Variants in COX7B2 observed in about 807,000 individuals in gnomAD.
COX7B2 encodes the protein cytochrome c oxidase subunit 7B2.
For missense variants in COX7B2, 109 were observed against 95.9 expected (o/e 1.14, Z -0.57); for synonymous variants, 37 against 32.1 (o/e 1.15, Z -0.51).
At chr4:46,742,594 T>C (rs1333042331) in intron 2 of COX7B2, among the ~76,000 whole-genome samples, 1 of 152,144 alleles carries the variant, frequency 6.6e-6, no homozygotes, top group Non-Finnish European at 1.5e-5. Flanking sequence ...GTCACTGAAT[T>C]GATGGATAGT....
At chr4:46,783,590 G>A (rs958624955) in intron 2 of COX7B2, among the ~76,000 whole-genome samples, 4 of 152,164 alleles carry the variant, frequency 2.6e-5, no homozygotes, top group African/African-American at 9.7e-5. Context: ...CTACAGAGGG[G>A]ATCATCCTAT....
chr4:46,806,116 G>A (rs1176302956), intron 2 of COX7B2, among the ~76,000 whole-genome samples: 2 of 151,938 alleles, frequency 1.3e-5, no homozygotes, highest in African/African-American at 4.8e-5. Context: ...TCTTCTCTTT[G>A]CTGTTATTGT....
intron 2 of COX7B2, among the ~76,000 whole-genome samples, chr4:46,781,510 G>A (rs557881489): frequency 6.6e-6 from 1 of 152,330 alleles, no homozygotes; most frequent in African/African-American, 2.4e-5. Context: ...ATACTGAGAG[G>A]TGACAATGTG....
intron 1 of COX7B2, among the ~76,000 whole-genome samples, chr4:46,852,840 C>G (rs1048826297): frequency 6.6e-6 from 1 of 151,910 alleles, no homozygotes; most frequent in Non-Finnish European, 1.5e-5. Context: ...TCTAGTGTCA[C>G]ATTTTTTGCT....
At chr4:46,833,299 T>G (rs1161248896) in intron 2 of COX7B2, among the ~76,000 whole-genome samples, 1 of 152,184 alleles carries the variant, frequency 6.6e-6, no homozygotes, top group African/African-American at 2.4e-5. Flanking sequence ...TGGCATCAAC[T>G]TTACAATTAA....
At chr4:46,899,609 T>C (rs1011529476) in intron 1 of COX7B2, among the ~76,000 whole-genome samples, 5 of 152,172 alleles carry the variant, frequency 3.3e-5, no homozygotes, top group Non-Finnish European at 7.4e-5. Flanking sequence ...AGCTAAATAG[T>C]TGGCCTTTCA....
chr4:46,835,917 C>T (rs1035072115), intron 2 of COX7B2, among the ~76,000 whole-genome samples: 1 of 152,170 alleles, frequency 6.6e-6, no homozygotes. Context: ...TTGCAGAATA[C>T]TGTGGGCAAC....
intron 2 of COX7B2, among the ~76,000 whole-genome samples, chr4:46,819,385 A>G (rs1005046108): frequency 1.8e-4 from 28 of 152,180 alleles, no homozygotes; most frequent in African/African-American, 6.8e-4. Flanking sequence ...GTTCAGAGGT[A>G]GGAAAGTCAC....
intron 2 of COX7B2, among the ~76,000 whole-genome samples, chr4:46,774,503 T>A (rs1717049216): frequency 6.6e-6 from 1 of 152,108 alleles, no homozygotes; most frequent in African/African-American, 2.4e-5. Context: ...GGGACGTGAC[T>A]TTAAAGGGAA....
chr4:46,895,103 GAACT>G (rs910061803), intron 1 of COX7B2, among the ~76,000 whole-genome samples: 3 of 152,106 alleles, frequency 2.0e-5, no homozygotes, highest in African/African-American at 7.2e-5. Flanking sequence ...GCTAAAAACA[GAACT>G]AACATTTGAC....
intron 2 of COX7B2, among the ~76,000 whole-genome samples, chr4:46,810,408 T>C (rs1263322785): frequency 1.3e-5 from 2 of 152,090 alleles, no homozygotes; most frequent in African/African-American, 2.4e-5. Flanking sequence ...TGCTAACTTT[T>C]GTTTCTTTTA....
At chr4:46,830,242 T>G (rs1363527553) in intron 2 of COX7B2, among the ~76,000 whole-genome samples, 1 of 149,850 alleles carries the variant, frequency 6.7e-6, no homozygotes, top group Non-Finnish European at 1.5e-5. Context: ...GAGAATTGCT[T>G]GAACCCAGTA....
At chr4:46,802,440 T>C (rs1462228829) in intron 2 of COX7B2, among the ~76,000 whole-genome samples, 1 of 152,160 alleles carries the variant, frequency 6.6e-6, no homozygotes, top group Non-Finnish European at 1.5e-5. Flanking sequence ...CAATCAATGT[T>C]GATTTTATAG....
At chr4:46,834,149 A>G (rs1464508109) in intron 2 of COX7B2, among the ~76,000 whole-genome samples, 1 of 152,200 alleles carries the variant, frequency 6.6e-6, no homozygotes, top group Non-Finnish European at 1.5e-5. Context: ...ATTCTTGGAT[A>G]GAAACACTAA....
At chr4:46,790,273 G>A (rs974620237) in intron 2 of COX7B2, among the ~76,000 whole-genome samples, 8 of 152,138 alleles carry the variant, frequency 5.3e-5, no homozygotes, top group South Asian at 2.1e-4. Context: ...TTCTGCAGAT[G>A]ATTAACAGTT....
intron 2 of COX7B2, among the ~76,000 whole-genome samples, chr4:46,764,655 G>A (rs1241361403): frequency 6.7e-6 from 1 of 148,962 alleles, no homozygotes; most frequent in African/African-American, 2.5e-5. Flanking sequence ...ACTCCAGCCT[G>A]GGCAACAAAG....
At chr4:46,853,113 A>C (rs1716794696) in intron 1 of COX7B2, among the ~76,000 whole-genome samples, 1 of 152,158 alleles carries the variant, frequency 6.6e-6, no homozygotes, top group Admixed American at 6.5e-5. Context: ...TGATTGATTG[A>C]TGAAAACGTG....
chr4:46,839,715 A>G (rs1021281204), intron 2 of COX7B2, among the ~76,000 whole-genome samples: 1 of 152,046 alleles, frequency 6.6e-6, no homozygotes, highest in Non-Finnish European at 1.5e-5. Flanking sequence ...CATATTATAT[A>G]TTCTATAGTA....
chr4:46,884,781 C>T (rs1718974543), intron 1 of COX7B2, among the ~76,000 whole-genome samples: 1 of 152,162 alleles, frequency 6.6e-6, no homozygotes, highest in Admixed American at 6.5e-5. Flanking sequence ...AGCCTCAACC[C>T]TTCTTCACAT....
Sources: gnomAD v4.1 joint callset for allele counts (sites outside exome capture counted in the v4.1 genomes callset) on GRCh38, gnomAD v4.1.1 for gene constraint, MANE v1.5 for transcripts, NCBI Gene and HGNC (gene_info 2026-07-23, HGNC 2026-07-21) for gene names.